CDCA7L: variants seen among roughly 807,000 people sequenced by gnomAD.
CDCA7L encodes cell division cycle-associated 7-like protein.
Under a neutral mutation model 57.4 loss-of-function variants are expected in CDCA7L, and 44 were observed. That is an observed-to-expected ratio of 0.77 (90% CI 0.60 to 0.98). CDCA7L has a LOEUF of 0.98. Among genes scored for constraint, CDCA7L ranks in the 50% least tolerant of loss-of-function variants. The pLI is 0.00. For missense variants in CDCA7L, 644 were observed against 580.6 expected (o/e 1.11, Z -1.12); for synonymous variants, 236 against 202.8 (o/e 1.16, Z -1.39).
intron 3 of CDCA7L, among the ~76,000 whole-genome samples, chr7:21,909,880 C>T (rs1224873702): frequency 2.6e-5 from 4 of 152,146 alleles, no homozygotes; most frequent in Non-Finnish European, 5.9e-5. Context: ...GTGGTTATTT[C>T]GCATCCGGCC....
Position 21,908,451 on chromosome 7 carries a change from C to A in CDCA7L, c.360G>T (p.Glu120Asp), listed in dbSNP as rs558132059. The change falls in exon 4 of 10, where the codon GAG (glutamate) becomes GAT (aspartate). Residue 120 changes from glutamate to aspartate, a missense_variant. Transcript: ENST00000406877. ...TAGCCTTATCTTCTTCTTCATCTTC[C>A]TCTTCCTCGCTCACCAAAGATGCTT... ...DGKASLVSEEEEDEEEDKATP... is the reference protein window; with the variant it reads ...DGKASLVSEEDEDEEEDKATP... 5.1e-6 allele frequency: 8 copies of A among 1,561,030 alleles called. No homozygotes were observed. The South Asian group carries it at 8.6e-5, about 17-fold the overall frequency.
chr7:21,902,680 C>CCCCTCAGCCTGCCTTGTTT (rs1784964446), intron 9 of CDCA7L: 2 of 482,092 alleles, frequency 4.1e-6, no homozygotes, highest in Non-Finnish European at 7.4e-6. Context: ...CTGTGTCTTT[C>CCCCTCAGCCTGCCTTGTTT]CCCTCAGCCT....
At position 21,902,271 on chromosome 7, in the gene CDCA7L, G is replaced by A. The variant is rs140245389; in HGVS notation, c.*51C>T. The A allele has an allele frequency of 6.6e-6, 10 of 1,522,488 alleles. No homozygotes were observed. In the African/African-American group the frequency reaches 6.8e-5, roughly 10 times the overall value. 94.3% of individuals were successfully genotyped at this position (1,522,488 alleles called of 1,614,324 possible). A position where few individuals can be genotyped will look rare whatever the true frequency, so the allele number is the denominator to read the frequency against. ...TTTCTTAGGCACCAATGGTATGCAT[G>A]TCTTGTTGGAGTACTCTATGGTGAG... On this transcript the variant is annotated 3_prime_UTR_variant, in exon 10 of 10. Transcript: ENST00000406877.
At chr7:21,904,500 G>C (rs913702048) in intron 7 of CDCA7L, among the ~76,000 whole-genome samples, 9 of 151,608 alleles carry the variant, frequency 5.9e-5, no homozygotes, top group African/African-American at 2.2e-4. Flanking sequence ...GCAGCGGACG[G>C]GCGAGCATTA....
chr7:21,909,862 ACATGGATGTGGTTATTTCG>A (rs1785259379), intron 3 of CDCA7L, among the ~76,000 whole-genome samples: 2 of 152,316 alleles, frequency 1.3e-5, no homozygotes, highest in South Asian at 4.1e-4. Flanking sequence ...CAAGTGTAGT[ACATGGATGTGGTTATTTCG>A]CATCCGGCCA....
At chr7:21,945,740 T>G (rs1386013942) in intron 1 of CDCA7L, 41 bp downstream of exon 1, 1 of 1,600,888 alleles carries the variant, frequency 6.2e-7, no homozygotes, top group Admixed American at 1.7e-5. Flanking sequence ...GAAGTCAAAC[T>G]GTGGGTGCGT....
chr7:21,945,752 C>T (rs1297780230), intron 1 of CDCA7L, 29 bp downstream of exon 1: 2 of 1,599,644 alleles, frequency 1.3e-6, no homozygotes, highest in Non-Finnish European at 1.7e-6. Flanking sequence ...TGGGTGCGTC[C>T]GGACGGCGGC....
Position 21,901,256 on chromosome 7 carries a change from G to A in CDCA7L, c.*1066C>T, listed in dbSNP as rs556965993. 2 of 1,608,146 alleles carry A rather than the reference G, an allele frequency of 1.2e-6. No individual in the cohort carries two copies. The highest frequency in any genetic ancestry group is 2.2e-5 in the South Asian group (2 of 90,240). Reference sequence around the variant, plus strand: ...GTGGCTCTGCTTCTAGAAGCGTAAGGTAACACTGGCATTCCTCTAGCCTCT... The same window carrying A: ...GTGGCTCTGCTTCTAGAAGCGTAAGATAACACTGGCATTCCTCTAGCCTCT... On this transcript the variant is annotated 3_prime_UTR_variant, in exon 10 of 10. Coordinates refer to ENST00000406877, the MANE Select transcript of CDCA7L (RefSeq NM_018719.5).
intron 8 of CDCA7L, 21 bp downstream of exon 8, chr7:21,904,089 A>T (rs1293422703): frequency 6.4e-7 from 1 of 1,555,612 alleles, no homozygotes; most frequent in East Asian, 2.3e-5. Context: ...AATTTACAAC[A>T]AATGCAAACA....
intron 3 of CDCA7L, among the ~76,000 whole-genome samples, chr7:21,909,327 G>A (rs1003487044): frequency 3.3e-5 from 5 of 152,026 alleles, no homozygotes; most frequent in African/African-American, 1.2e-4. Context: ...TAAGATCTAG[G>A]ACGTCTTCTG....
At chr7:21,903,269 G>A (rs943760638) in intron 8 of CDCA7L, among the ~76,000 whole-genome samples, 155 bp from the exon 9 acceptor site, 1 of 152,158 alleles carries the variant, frequency 6.6e-6, no homozygotes, top group African/African-American at 2.4e-5. Flanking sequence ...TCACAAGGCA[G>A]GAAGGCTGAA....
chr7:21,902,958 G>T lies in CDCA7L; in HGVS notation c.1334+20C>A, dbSNP rs936582089. On this transcript the variant is annotated intron_variant, in intron 9 of 9. Transcript: ENST00000406877. ...CTCAAGATTTCAAGCTGTTTTGTAA[G>T]CTGCTAGAGACTTACTTACCTCTCC... 6.2e-7 allele frequency: 1 copy of T among 1,607,708 alleles called. No individual in the cohort carries two copies. Among genetic ancestry groups the T allele is most frequent in the Non-Finnish European group, 8.5e-7 (1 of 1,175,826 alleles).
chr7:21,905,386 G>C, intron 7 of CDCA7L, 120 bp downstream of exon 7: 3 of 1,141,494 alleles, frequency 2.6e-6, no homozygotes, highest in Middle Eastern at 3.0e-4. Context: ...CTCCAATTCA[G>C]AGCCTGGCTC....
chr7:21,910,758 T>C (rs963656452), intron 3 of CDCA7L, among the ~76,000 whole-genome samples: 34 of 152,294 alleles, frequency 2.2e-4, no homozygotes, highest in African/African-American at 7.9e-4. Context: ...AGTCTGTTCA[T>C]AGGAAGTGCT....
At chr7:21,934,861 A>G (rs570016771) in intron 1 of CDCA7L, among the ~76,000 whole-genome samples, 1 of 152,360 alleles carries the variant, frequency 6.6e-6, no homozygotes, top group African/African-American at 2.4e-5. Context: ...ACTAGAAGAT[A>G]GAACAATTAT....
At position 21,905,519 on chromosome 7, in the gene CDCA7L, T is replaced by G; in HGVS notation, c.1034A>C (p.Tyr345Ser). 1 of 1,613,934 alleles carries G rather than the reference T, an allele frequency of 6.2e-7. No homozygotes were observed. Among genetic ancestry groups the G allele is most frequent in the Non-Finnish European group, 8.5e-7 (1 of 1,179,876 alleles). Residue 345 changes from tyrosine to serine, a missense_variant, in exon 7 of 10, where the codon TAT becomes TCT. Coordinates refer to ENST00000406877, the MANE Select transcript of CDCA7L (RefSeq NM_018719.5). The stretch of plus-strand genomic sequence containing the variant: ...TGTATACTTTACCAGAACTTTATCA[T>G]AGATTTTATCTCGAACAGTTATGGC... ...NVAITVRDKI[Y>S]DKVLGNTCHQ...
rs775952516 is a variant in CDCA7L at position 21,905,523 on chromosome 7, T to C, written c.1030A>G (p.Ile344Val). The stretch of plus-strand genomic sequence containing the variant: ...TACTTTACCAGAACTTTATCATAGA[T>C]TTTATCTCGAACAGTTATGGCAACA... ...ENVAITVRDK[I>V]YDKVLGNTCH... The change falls in exon 7 of 10, where the codon ATC (isoleucine) becomes GTC (valine). Residue 344 changes from isoleucine (I) to valine (V), a missense_variant. Transcript: ENST00000406877. The C allele has an allele frequency of 2.5e-6, 4 of 1,613,766 alleles. No homozygotes were observed. In the South Asian group the frequency reaches 3.3e-5, roughly 13 times the overall value.
intron 1 of CDCA7L, among the ~76,000 whole-genome samples, chr7:21,941,432 C>T (rs1228933428): frequency 6.6e-6 from 1 of 152,134 alleles, no homozygotes; most frequent in Non-Finnish European, 1.5e-5. Context: ...AAATGGGGCA[C>T]GGAGAGTAGG....
At chr7:21,912,643 G>A (rs1290225916) in intron 2 of CDCA7L, among the ~76,000 whole-genome samples, 1 of 152,144 alleles carries the variant, frequency 6.6e-6, no homozygotes, top group African/African-American at 2.4e-5. Flanking sequence ...TGTAGGAAAA[G>A]GCTGGGGCCT....
Sources: allele counts gnomAD v4.1 joint callset (sites outside exome capture counted in the v4.1 genomes callset), GRCh38; gene constraint gnomAD v4.1.1; transcripts MANE v1.5; gene names NCBI Gene and HGNC (gene_info 2026-07-23, HGNC 2026-07-21).